ERBB4: variants seen among roughly 807,000 people sequenced by gnomAD.
The protein encoded by ERBB4 is receptor tyrosine-protein kinase erbB-4.
A neutral mutation model predicts 158.0 loss-of-function variants in ERBB4; 42 were observed. The ratio of observed to expected loss-of-function variants is 0.27; its 90% CI spans 0.21 to 0.34. The LOEUF is 0.34. Ranked by LOEUF, ERBB4 falls within the 10% of genes least tolerant of loss-of-function variation. The pLI, the probability that ERBB4 is intolerant of heterozygous loss-of-function variation, is 1.00. For missense variants in ERBB4, 1,333 were observed against 1,624.1 expected (o/e 0.82, Z 3.08); for synonymous variants, 583 against 558.7 (o/e 1.04, Z -0.61).
intron 4 of ERBB4, among the ~76,000 whole-genome samples, chr2:211,785,018 T>C (rs1246269585): frequency 6.6e-6 from 1 of 152,154 alleles, no homozygotes; most frequent in Non-Finnish European, 1.5e-5. Flanking sequence ...CCCTATCAGA[T>C]ACATGATTTA....
intron 3 of ERBB4, among the ~76,000 whole-genome samples, chr2:211,856,551 AAT>A (rs1491341633): frequency 1.4e-5 from 2 of 141,032 alleles, no homozygotes; most frequent in East Asian, 4.3e-4. Context: ...ACGCCCGGCT[AAT>A]TTTTTTTTTA....
chr2:211,504,775 T>C (rs1298822620), intron 20 of ERBB4, among the ~76,000 whole-genome samples: 1 of 152,128 alleles, frequency 6.6e-6, no homozygotes, highest in African/African-American at 2.4e-5. Flanking sequence ...AGAGAACTTC[T>C]GGACATGAAA....
chr2:212,074,713 C>T (rs536474696), intron 2 of ERBB4, among the ~76,000 whole-genome samples: 2 of 151,922 alleles, frequency 1.3e-5, no homozygotes, highest in East Asian at 3.9e-4. Flanking sequence ...CCAGTTGGTG[C>T]TATGATTCTA....
intron 2 of ERBB4, among the ~76,000 whole-genome samples, chr2:212,036,436 G>A (rs539347701): frequency 2.0e-5 from 3 of 151,582 alleles, no homozygotes; most frequent in African/African-American, 4.8e-5. Flanking sequence ...ACCAGACGCC[G>A]TGGAACTAGT....
intron 1 of ERBB4, among the ~76,000 whole-genome samples, chr2:212,190,373 G>A (rs952083395): frequency 1.3e-5 from 2 of 151,810 alleles, no homozygotes; most frequent in Non-Finnish European, 2.9e-5. Context: ...CGTCTCTACT[G>A]AAAATACAAA....
In ERBB4 at chr2:212,457,121, T is replaced by C. The variant is rs149816915; in HGVS notation, c.82+81328A>G. On this transcript the variant is annotated intron_variant, in intron 1 of 27. Coordinates refer to ENST00000342788, the MANE Select transcript of ERBB4 (RefSeq NM_005235.3). ...TATCCTAGTAATATTTAATGATACA[T>C]CACAAAATAAATATTTTTAAATGTT... Among the ~76,000 whole-genome samples the C allele has an allele frequency of 2.0e-4, 30 of 152,134 alleles. No homozygotes were observed. In the East Asian group the frequency reaches 4.4e-3, roughly 22 times the overall value.
chr2:212,339,962 C>A (rs1288929711), intron 1 of ERBB4, among the ~76,000 whole-genome samples: 1 of 152,034 alleles, frequency 6.6e-6, no homozygotes, highest in East Asian at 1.9e-4. Context: ...AATGATGATG[C>A]TGTCCTACTA....
At chr2:211,491,705 C>T (rs552812500) in intron 20 of ERBB4, among the ~76,000 whole-genome samples, 2 of 152,012 alleles carry the variant, frequency 1.3e-5, no homozygotes, top group East Asian at 3.9e-4. Flanking sequence ...AGAAAGTAAA[C>T]TGAATCCTCA....
At chr2:211,401,375 T>G (rs755144064) in intron 25 of ERBB4, among the ~76,000 whole-genome samples, 1 of 152,064 alleles carries the variant, frequency 6.6e-6, no homozygotes, top group African/African-American at 2.4e-5. Flanking sequence ...TAGGTTGGCA[T>G]TGATTTTTTT....
At chr2:211,634,485 A>G (rs2070280339) in intron 16 of ERBB4, among the ~76,000 whole-genome samples, 1 of 152,092 alleles carries the variant, frequency 6.6e-6, no homozygotes, top group East Asian at 1.9e-4. Context: ...GTTTGTAAGT[A>G]TAGGATAGAT....
chr2:211,843,733 T>C (rs1337971078), intron 3 of ERBB4, among the ~76,000 whole-genome samples: 1 of 151,208 alleles, frequency 6.6e-6, no homozygotes, highest in African/African-American at 2.4e-5. Context: ...TTCATTGTTT[T>C]AACTACCAAG....
intron 2 of ERBB4, among the ~76,000 whole-genome samples, chr2:212,112,700 G>T (rs190597579): frequency 6.6e-6 from 1 of 152,240 alleles, no homozygotes; most frequent in Admixed American, 6.5e-5. Flanking sequence ...TATTCATAGG[G>T]TTGTAATAAG....
At chr2:211,579,852 G>A (rs1420987392) in intron 19 of ERBB4, among the ~76,000 whole-genome samples, 1 of 152,074 alleles carries the variant, frequency 6.6e-6, no homozygotes, top group African/African-American at 2.4e-5. Flanking sequence ...TGCATGCTGG[G>A]CTTAATACCT....
intron 20 of ERBB4, among the ~76,000 whole-genome samples, chr2:211,492,072 A>C (rs2065356733): frequency 1.3e-5 from 2 of 150,928 alleles, no homozygotes; most frequent in African/African-American, 2.4e-5. Context: ...CACCTTAAGA[A>C]AAAAAAAAAG....
chr2:211,419,600 G>A (rs2063472527), intron 25 of ERBB4, among the ~76,000 whole-genome samples: 1 of 151,976 alleles, frequency 6.6e-6, no homozygotes, highest in African/African-American at 2.4e-5. Context: ...CTCCGTACTG[G>A]TCAGTGAATA....
At chr2:211,773,620 ATATATAT>A (rs2075779733) in intron 4 of ERBB4, among the ~76,000 whole-genome samples, 1 of 60,586 alleles carries the variant, frequency 1.7e-5, no homozygotes, top group Non-Finnish European at 3.4e-5. Context: ...ATATATATAT[ATATATAT>A]ATATATATAT....
chr2:211,646,480 A>G (rs535869811), intron 16 of ERBB4, among the ~76,000 whole-genome samples: 2 of 151,764 alleles, frequency 1.3e-5, no homozygotes, highest in African/African-American at 4.8e-5. Flanking sequence ...ATTTAGTTAC[A>G]TAAGTACATT....
intron 1 of ERBB4, among the ~76,000 whole-genome samples, chr2:212,456,108 G>A (rs556761420): frequency 5.3e-5 from 8 of 152,070 alleles, no homozygotes; most frequent in Admixed American, 5.2e-4. Flanking sequence ...CAAGTAAACT[G>A]TAGTACACAC....
chr2:212,301,178 G>A (rs1267688042), intron 1 of ERBB4, among the ~76,000 whole-genome samples: 7 of 149,974 alleles, frequency 4.7e-5, no homozygotes, highest in Admixed American at 4.7e-4. Context: ...CCTGATTCAA[G>A]GACCTGCCTT....
Sources: allele counts gnomAD v4.1 joint callset (sites outside exome capture counted in the v4.1 genomes callset), GRCh38; gene constraint gnomAD v4.1.1; transcripts MANE v1.5; gene names NCBI Gene and HGNC (gene_info 2026-07-23, HGNC 2026-07-21).